RAPGEF5: variants seen among roughly 807,000 people sequenced by gnomAD.
The protein encoded by RAPGEF5 is M-Ras-regulated GEF.
In RAPGEF5, 65 loss-of-function variants were observed where a neutral mutation model predicts 125.2. The observed-to-expected ratio is 0.52, with a 90% CI of 0.43 to 0.64. The LOEUF (loss-of-function observed/expected upper bound fraction) is 0.64, where lower values mean the gene tolerates loss of function less well. RAPGEF5 is among the 30% of genes least tolerant of loss of function. RAPGEF5 has a pLI of 0.00. For synonymous variants in RAPGEF5, 391 were observed against 385.9 expected, an observed-to-expected ratio of 1.01 and a Z score of -0.16; for missense variants, 958 against 1,048.1, an observed-to-expected ratio of 0.91 and a Z score of 1.19.
intron 11 of RAPGEF5, among the ~76,000 whole-genome samples, chr7:22,170,024 A>G (rs1217675455): frequency 1.3e-5 from 2 of 151,714 alleles, no homozygotes; most frequent in East Asian, 3.9e-4. Flanking sequence ...AAAAAAAAAA[A>G]TTAAGCTGTT....
chr7:22,136,165 A>C (rs777569561), intron 22 of RAPGEF5, 40 bp from the exon 23 acceptor site: 1 of 1,441,810 alleles, frequency 6.9e-7, no homozygotes, highest in Admixed American at 1.9e-5. Context: ...AGAAAAATCA[A>C]TGTGCTATAG....
At chr7:22,170,798 C>G (rs1418380371) in intron 11 of RAPGEF5, among the ~76,000 whole-genome samples, 3 of 152,134 alleles carry the variant, frequency 2.0e-5, no homozygotes, top group East Asian at 1.9e-4. Flanking sequence ...TAAAATTCAA[C>G]AGCATTTACC....
Position 22,118,790 on chromosome 7 carries a change from T to C in RAPGEF5, c.*3616A>G, listed in dbSNP as rs995925710. 6.6e-6 allele frequency: 1 copy of C among 152,586 alleles called. No homozygotes were observed. Among genetic ancestry groups the C allele is most frequent in the African/African-American group, 2.4e-5 (1 of 41,422 alleles). 9.5% of individuals were successfully genotyped at this position (152,586 alleles called of 1,614,324 possible). ...TGTGATACGAATACAATAAATAGAC[T>C]ATGCAAATAAATATTACTCTGCTAA... is the stretch of plus-strand genomic sequence containing the variant. On this transcript the variant is annotated 3_prime_UTR_variant, in exon 26 of 26. Transcript: ENST00000665637.
At chr7:22,176,643 C>T (rs867573722) in intron 11 of RAPGEF5, among the ~76,000 whole-genome samples, 14 of 152,288 alleles carry the variant, frequency 9.2e-5, no homozygotes, top group South Asian at 2.1e-4. Context: ...ATTCTCCTGT[C>T]TCAGCCTCCT....
intron 19 of RAPGEF5, 100 bp from the exon 20 acceptor site, chr7:22,145,322 A>G (rs1783400886): frequency 9.0e-7 from 1 of 1,113,282 alleles, no homozygotes; most frequent in Non-Finnish European, 1.3e-6. Flanking sequence ...AGTTCCTCCC[A>G]TATTATTAAT....
chr7:22,248,608 T>A (rs969183267), intron 7 of RAPGEF5, among the ~76,000 whole-genome samples: 2 of 152,120 alleles, frequency 1.3e-5, no homozygotes, highest in Non-Finnish European at 1.5e-5. Flanking sequence ...CAGAGATTAT[T>A]GATAATCTCC....
intron 3 of RAPGEF5, among the ~76,000 whole-genome samples, chr7:22,312,880 C>A (rs1000815585): frequency 1.3e-5 from 2 of 152,156 alleles, no homozygotes; most frequent in African/African-American, 2.4e-5. Flanking sequence ...AATGCCTTGT[C>A]CCCATGTCTG....
chr7:22,313,097 T>C (rs1056742073), intron 3 of RAPGEF5, among the ~76,000 whole-genome samples: 4 of 152,194 alleles, frequency 2.6e-5, no homozygotes, highest in South Asian at 2.1e-4. Context: ...TAATGTGATA[T>C]GGAGGTGATC....
intron 5 of RAPGEF5, among the ~76,000 whole-genome samples, chr7:22,303,170 T>C (rs1783252088): frequency 6.6e-6 from 1 of 152,194 alleles, no homozygotes; most frequent in African/African-American, 2.4e-5. Context: ...TGTTATTTCA[T>C]CATTCCTCAC....
intron 18 of RAPGEF5, among the ~76,000 whole-genome samples, chr7:22,150,138 G>C (rs1477473190): frequency 7.6e-6 from 1 of 130,970 alleles, no homozygotes; most frequent in African/African-American, 2.9e-5. Flanking sequence ...GGAGTGCAAT[G>C]ATGAGATCAC....
At chr7:22,135,516 A>G (rs1783053059) in intron 23 of RAPGEF5, among the ~76,000 whole-genome samples, 1 of 152,192 alleles carries the variant, frequency 6.6e-6, no homozygotes, top group Admixed American at 6.5e-5. Flanking sequence ...CAGCTATCAA[A>G]TATTTTCCCA....
chr7:22,229,214 G>A (rs1291082715), intron 8 of RAPGEF5, among the ~76,000 whole-genome samples: 2 of 152,140 alleles, frequency 1.3e-5, no homozygotes, highest in East Asian at 3.9e-4. Context: ...AGCAGAAAAG[G>A]TATTTTTAGT....
intron 1 of RAPGEF5, among the ~76,000 whole-genome samples, chr7:22,326,574 A>G (rs1042405719): frequency 6.6e-6 from 1 of 152,204 alleles, no homozygotes; most frequent in African/African-American, 2.4e-5. Context: ...CTAGTGCTTA[A>G]CCAGTTATTA....
intron 11 of RAPGEF5, among the ~76,000 whole-genome samples, chr7:22,189,163 T>G (rs1189383940): frequency 6.6e-6 from 1 of 151,960 alleles, no homozygotes; most frequent in Non-Finnish European, 1.5e-5. Flanking sequence ...GTTGGCTTTT[T>G]TTTTTCTTGG....
Position 22,125,627 on chromosome 7 carries a change from C to G in RAPGEF5, c.2513G>C (p.Arg838Thr). 1 of 1,612,462 alleles carries G rather than the reference C, an allele frequency of 6.2e-7. No individual in the cohort carries two copies. The change falls in exon 25 of 26, where the codon AGA becomes ACA. Residue 838 changes from arginine (R) to threonine (T), a missense_variant. Arg to Thr is a moderately conservative substitution (Grantham distance 71). Transcript: ENST00000665637. ...HMIADTVRTL[R>T]HCRTNQFGDL... The stretch of plus-strand genomic sequence containing the variant: ...ACCAAACTGGTTAGTCCTGCAGTGT[C>G]TCAGGGTTCGGACAGTGTCTGCGAT...
intron 21 of RAPGEF5, chr7:22,139,777 G>C: frequency 2.6e-6 from 1 of 387,930 alleles, no homozygotes; most frequent in Admixed American, 3.6e-5. Context: ...GACCAGCCTG[G>C]AACGAGCACT....
rs1554327466 is a variant in RAPGEF5 at position 22,197,900 on chromosome 7, G to GGGGC, written c.997-3868_997-3867insGCCC. Among the ~76,000 whole-genome samples the GGGGC allele has an allele frequency of 2.8e-4, 41 of 145,134 alleles. 1 individual carries two copies. The highest frequency in any genetic ancestry group is 8.9e-4 in the African/African-American group (35 of 39,428). The stretch of plus-strand genomic sequence containing the variant: ...CTCTTTTTTCTTTTTTTTTGGGGGG[G>GGGGC]GGTGGTAGGAGGACATTCTCACTCT... On this transcript the variant is annotated intron_variant, in intron 9 of 25. Coordinates refer to ENST00000665637, the MANE Select transcript of RAPGEF5 (RefSeq NM_012294.5).
At chr7:22,227,731 A>G (rs1008301882) in intron 8 of RAPGEF5, among the ~76,000 whole-genome samples, 1 of 152,028 alleles carries the variant, frequency 6.6e-6, no homozygotes, top group Non-Finnish European at 1.5e-5. Context: ...TGTCCCAGCT[A>G]CTCAAGAGGC....
intron 14 of RAPGEF5, among the ~76,000 whole-genome samples, chr7:22,159,820 C>T (rs1783925863): frequency 4.3e-5 from 1 of 23,526 alleles, no homozygotes. Context: ...TTTTAAAATG[C>T]TCCACAGGCC....
Sources: allele counts gnomAD v4.1 joint callset (sites outside exome capture counted in the v4.1 genomes callset), GRCh38; gene constraint gnomAD v4.1.1; transcripts MANE v1.5; gene names NCBI Gene and HGNC (gene_info 2026-07-23, HGNC 2026-07-21).